The following CD59 variants were observed in gnomAD, a reference collection of about 807,000 sequenced individuals.
CD59 encodes the protein CD59 molecule (CD59 blood group), also known as CD59 glycoprotein.
In CD59, 3 loss-of-function variants were observed where a neutral mutation model predicts 7.0. That is an observed-to-expected ratio of 0.43 (90% CI 0.19 to 1.10). CD59 has a LOEUF of 1.10. CD59 is among the 50% of genes least tolerant of loss of function. The probability of loss-of-function intolerance (pLI) is 0.29; values close to 1 mark genes in which losing one functional copy is unlikely to be tolerated. For missense variants in CD59, 143 were observed against 151.0 expected (o/e 0.95, Z 0.28); for synonymous variants, 60 against 62.0 (o/e 0.97, Z 0.15).
At chr11:33,730,740 C>T (rs958742774) in intron 1 of CD59, among the ~76,000 whole-genome samples, 3 of 152,054 alleles carry the variant, frequency 2.0e-5, no homozygotes, top group African/African-American at 4.8e-5. Context: ...TCGTGTTAAG[C>T]GCAATAGTGT....
chr11:33,720,528 G>A (rs776515898), intron 2 of CD59, among the ~76,000 whole-genome samples: 4 of 151,954 alleles, frequency 2.6e-5, no homozygotes, highest in Non-Finnish European at 5.9e-5. Context: ...GTGAAAGCCC[G>A]CCTCTACTAA....
intron 1 of CD59, among the ~76,000 whole-genome samples, chr11:33,732,502 C>T (rs922340549): frequency 9.9e-5 from 15 of 152,160 alleles, no homozygotes; most frequent in African/African-American, 1.9e-4. Flanking sequence ...CAAAGAACTG[C>T]GAGCCAATTA....
At chr11:33,735,702 G>T (rs902666990) in intron 1 of CD59, among the ~76,000 whole-genome samples, 7 of 152,012 alleles carry the variant, frequency 4.6e-5, no homozygotes, top group Middle Eastern at 3.2e-3. Context: ...CGGATCACGA[G>T]GTCAGGAATT....
At chr11:33,730,565 C>A (rs1186524320) in intron 1 of CD59, among the ~76,000 whole-genome samples, 12 of 152,156 alleles carry the variant, frequency 7.9e-5, no homozygotes, top group African/African-American at 2.9e-4. Flanking sequence ...CCATAGCCAC[C>A]TCCTGTTGCT....
At chr11:33,723,761 G>A (rs893255827) in intron 1 of CD59, among the ~76,000 whole-genome samples, 1 of 152,134 alleles carries the variant, frequency 6.6e-6, no homozygotes, top group Non-Finnish European at 1.5e-5. Context: ...TGAGTAGGAA[G>A]GGTGATTTAT....
At chr11:33,722,669 G>A (rs1854125236) in intron 1 of CD59, 1 of 1,396,518 alleles carries the variant, frequency 7.2e-7, no homozygotes, top group African/African-American at 1.4e-5. Flanking sequence ...AAGCCCCAGT[G>A]TGTACTACCA....
Position 33,703,585 on chromosome 11 carries a change from T to C in CD59, c.*6541A>G, listed in dbSNP as rs182421803. 8.6e-4 allele frequency: 131 copies of C among 152,366 alleles called. No individual in the cohort carries two copies. The highest frequency in any genetic ancestry group is 2.8e-3 in the African/African-American group (116 of 41,580). 9.4% of individuals were successfully genotyped at this position (152,366 alleles called of 1,614,324 possible). On this transcript the variant is annotated 3_prime_UTR_variant, in exon 4 of 4. Coordinates refer to ENST00000642928, the MANE Select transcript of CD59 (RefSeq NM_000611.6). ...GTTGATCAGGGTCAGTTGAAAGATG[T>C]AGCTGTCGGCCTGGTAGCCAGGTGG...
At chr11:33,712,605 C>G (rs60565360) in intron 3 of CD59, among the ~76,000 whole-genome samples, 16,662 of 152,208 alleles carry the variant, frequency 0.11, 1,990 homozygotes, top group African/African-American at 0.3. Context: ...ACAGAAAGTA[C>G]ATCAGTCACT....
In CD59 at chr11:33,709,855, C is replaced by A. The variant is rs41275160; in HGVS notation, c.*271G>T. ...CTCAAGCTGTCACTGCAAAGCTGGTCTTCCCAAGAGCAAAGGAGGAAGCAT... is the reference window on the plus strand; with the variant it reads ...CTCAAGCTGTCACTGCAAAGCTGGTATTCCCAAGAGCAAAGGAGGAAGCAT... On this transcript the variant is annotated 3_prime_UTR_variant, in exon 4 of 4. Transcript: ENST00000642928. 23 of 560,856 alleles carry A rather than the reference C, an allele frequency of 4.1e-5. No homozygotes were observed. The highest frequency in any genetic ancestry group is 7.0e-5 in the Non-Finnish European group (22 of 313,690). 34.7% of individuals were successfully genotyped at this position (560,856 alleles called of 1,614,324 possible). A position where few individuals can be genotyped will look rare whatever the true frequency, so the allele number is the denominator to read the frequency against.
intron 1 of CD59, among the ~76,000 whole-genome samples, chr11:33,727,093 G>A (rs1377392269): frequency 2.0e-5 from 3 of 152,128 alleles, no homozygotes; most frequent in African/African-American, 7.2e-5. Context: ...TCTACCAGAG[G>A]TACAAAGAGG....
In CD59 at chr11:33,709,736, C is replaced by T; in HGVS notation, c.*390G>A. 2.9e-6 allele frequency: 1 copy of T among 345,274 alleles called. No individual in the cohort carries two copies. The highest frequency in any genetic ancestry group is 2.6e-5 in the South Asian group (1 of 38,690). 21.4% of individuals were successfully genotyped at this position (345,274 alleles called of 1,614,324 possible). A position where few individuals can be genotyped will look rare whatever the true frequency, so the allele number is the denominator to read the frequency against. The stretch of plus-strand genomic sequence containing the variant: ...CCATGTGAGAGAGGATGCTCATATA[C>T]TCCTGCCCCACCCTCCAAAGATGTA... On this transcript the variant is annotated 3_prime_UTR_variant, in exon 4 of 4. Transcript: ENST00000642928.
chr11:33,727,869 A>G (rs2133568210), intron 1 of CD59, among the ~76,000 whole-genome samples: 1 of 152,312 alleles, frequency 6.6e-6, no homozygotes, highest in South Asian at 2.1e-4. Context: ...ATTCCTATAC[A>G]CCAATAACAG....
chr11:33,706,390 C>T lies in CD59; in HGVS notation c.*3736G>A, dbSNP rs1853307953. The T allele has an allele frequency of 6.6e-6, 1 of 151,930 alleles. No individual in the cohort carries two copies. Among genetic ancestry groups the T allele is most frequent in the Non-Finnish European group, 1.5e-5 (1 of 67,928 alleles). The allele number at this position is 151,930 out of a possible 1,614,324, so 9.4% of individuals were successfully genotyped here. ...ATGTCCAAGTCAGTGGGGGTAAATG[C>T]ATTGTGATTCACTGTAGGTTTTAGA... is the stretch of plus-strand genomic sequence containing the variant. On this transcript the variant is annotated 3_prime_UTR_variant, in exon 4 of 4. Transcript: ENST00000642928.
chr11:33,733,935 T>A (rs555919148), intron 1 of CD59, among the ~76,000 whole-genome samples: 1 of 152,190 alleles, frequency 6.6e-6, no homozygotes, highest in Non-Finnish European at 1.5e-5. Flanking sequence ...TAAAACCCAA[T>A]GTTTTTATTT....
chr11:33,708,613 A>C lies in CD59; in HGVS notation c.*1513T>G, dbSNP rs1189647907. On this transcript the variant is annotated 3_prime_UTR_variant, in exon 4 of 4. Transcript: ENST00000642928. ...ACTTCCTCAGGCCAAAAAAAAAAAA[A>C]AAAACCTATTGATGTAAGGAAAGAC... is the stretch of plus-strand genomic sequence containing the variant. 1 of 152,114 alleles carries C rather than the reference A, an allele frequency of 6.6e-6. No individual in the cohort carries two copies. The highest frequency in any genetic ancestry group is 6.5e-5 in the Admixed American group (1 of 15,272). 9.4% of individuals were successfully genotyped at this position (152,114 alleles called of 1,614,324 possible). A position where few individuals can be genotyped will look rare whatever the true frequency, so the allele number is the denominator to read the frequency against.
At chr11:33,713,304 G>T (rs886457364) in intron 3 of CD59, among the ~76,000 whole-genome samples, 3 of 152,160 alleles carry the variant, frequency 2.0e-5, no homozygotes, top group Admixed American at 2.0e-4. Context: ...CCTGAAAGTG[G>T]TTTCTTATCT....
rs1375318706 is a variant in CD59 at position 33,728,512 on chromosome 11, A to C, written c.-18-6049T>G. On this transcript the variant is annotated intron_variant, in intron 1 of 3. Coordinates refer to ENST00000642928, the MANE Select transcript of CD59 (RefSeq NM_000611.6). ...GATCCTTTCCTTACACCTTACACAA[A>C]AGTTAACTTAAGATGGATTAAAGAC... Among the ~76,000 whole-genome samples, 6 of 152,308 alleles carry C rather than the reference A, an allele frequency of 3.9e-5. No homozygotes were observed. The East Asian group carries it at 1.2e-3, about 29-fold the overall frequency.
At position 33,704,233 on chromosome 11, in the gene CD59, C is replaced by T. The variant is rs558082049; in HGVS notation, c.*5893G>A. 2 of 152,376 alleles carry T rather than the reference C, an allele frequency of 1.3e-5. No individual in the cohort carries two copies. The highest frequency in any genetic ancestry group is 4.8e-5 in the African/African-American group (2 of 41,554). 9.4% of individuals were successfully genotyped at this position (152,376 alleles called of 1,614,324 possible). A position where few individuals can be genotyped will look rare whatever the true frequency, so the allele number is the denominator to read the frequency against. On this transcript the variant is annotated 3_prime_UTR_variant, in exon 4 of 4. Coordinates refer to ENST00000642928, the MANE Select transcript of CD59 (RefSeq NM_000611.6). ...GGACTCTCTGTGACCCTGGGAAAAT[C>T]ACATCAGCTCTCTGAACCCCAATTG...
chr11:33,733,746 G>A (rs553452491), intron 1 of CD59: 20 of 152,304 alleles, frequency 1.3e-4, no homozygotes, highest in African/African-American at 4.6e-4. Context: ...GGGGAGACGG[G>A]AGACTTCTTA....
Sources: allele counts gnomAD v4.1 joint callset (sites outside exome capture counted in the v4.1 genomes callset), GRCh38; gene constraint gnomAD v4.1.1; transcripts MANE v1.5; gene names NCBI Gene and HGNC (gene_info 2026-07-23, HGNC 2026-07-21).